The following NRG3 variants were observed in gnomAD, a reference collection of about 807,000 sequenced individuals.
The protein encoded by NRG3 is neuregulin 3.
In NRG3, 31 loss-of-function variants were observed where a neutral mutation model predicts 66.9. The observed-to-expected ratio is 0.46, with a 90% confidence interval of 0.35 to 0.63. The LOEUF is 0.63. Among genes scored for constraint, NRG3 ranks in the 20% least tolerant of loss-of-function variants. The pLI is 0.00. For missense variants in NRG3, 910 were observed against 878.9 expected (o/e 1.04, Z -0.45); for synonymous variants, 393 against 359.4 (o/e 1.09, Z -1.06).
At chr10:82,642,096 T>C (rs138706615) in intron 2 of NRG3, among the ~76,000 whole-genome samples, 396 of 152,274 alleles carry the variant, frequency 2.6e-3, no homozygotes, top group Non-Finnish European at 4.6e-3. Context: ...TGTGAGAACA[T>C]GCGGTACTTT....
chr10:82,295,449 T>A (rs2080007148), intron 1 of NRG3, among the ~76,000 whole-genome samples: 1 of 152,062 alleles, frequency 6.6e-6, no homozygotes, highest in African/African-American at 2.4e-5. Context: ...TTATCGAGGG[T>A]ACATTTTTAA....
chr10:82,244,585 G>A (rs113156944), intron 1 of NRG3, among the ~76,000 whole-genome samples: 5,277 of 152,054 alleles, frequency 0.035, 136 homozygotes, highest in Middle Eastern at 0.078. Context: ...CTTTAGAAGC[G>A]TTCTATTAGT....
At chr10:82,618,353 C>T (rs977203583) in intron 2 of NRG3, among the ~76,000 whole-genome samples, 1 of 151,888 alleles carries the variant, frequency 6.6e-6, no homozygotes, top group Non-Finnish European at 1.5e-5. Flanking sequence ...GGGAGTTGGT[C>T]CAATAGTCAT....
intron 2 of NRG3, among the ~76,000 whole-genome samples, chr10:82,396,074 A>T (rs896873748): frequency 6.6e-6 from 1 of 152,178 alleles, no homozygotes; most frequent in Admixed American, 6.5e-5. Context: ...TATGGAGGGA[A>T]TGAGTTTTTT....
chr10:82,194,518 G>A (rs958354351), intron 1 of NRG3, among the ~76,000 whole-genome samples: 1 of 152,132 alleles, frequency 6.6e-6, no homozygotes, highest in African/African-American at 2.4e-5. Context: ...GAGAGAAGGC[G>A]AGAGTGTAGG....
At chr10:82,291,153 AC>A (rs1247633777) in intron 1 of NRG3, among the ~76,000 whole-genome samples, 5 of 148,048 alleles carry the variant, frequency 3.4e-5, no homozygotes. Context: ...TACAAGATTA[AC>A]AACACACACA....
chr10:82,251,012 A>G (rs1395798920), intron 1 of NRG3, among the ~76,000 whole-genome samples: 4 of 152,222 alleles, frequency 2.6e-5, no homozygotes, highest in African/African-American at 4.8e-5. Flanking sequence ...TTAGTCACCA[A>G]TACATAAAAA....
intron 2 of NRG3, among the ~76,000 whole-genome samples, chr10:82,459,568 G>A (rs1005157336): frequency 3.9e-5 from 6 of 152,076 alleles, no homozygotes; most frequent in Non-Finnish European, 5.9e-5. Context: ...TCTTTCTGCC[G>A]GAGAAAAGAA....
At chr10:82,886,867 G>T (rs1035002347) in intron 4 of NRG3, among the ~76,000 whole-genome samples, 5 of 152,084 alleles carry the variant, frequency 3.3e-5, no homozygotes, top group African/African-American at 9.7e-5. Context: ...AATTCTTATA[G>T]CCCAATGTAT....
At chr10:82,384,234 C>A (rs2085825532) in intron 2 of NRG3, among the ~76,000 whole-genome samples, 1 of 151,918 alleles carries the variant, frequency 6.6e-6, no homozygotes, top group South Asian at 2.1e-4. Context: ...TCTCTAAATG[C>A]AAAACTTGAA....
intron 1 of NRG3, among the ~76,000 whole-genome samples, chr10:82,018,731 C>T (rs531540859): frequency 3.9e-5 from 6 of 152,054 alleles, no homozygotes; most frequent in Admixed American, 6.6e-5. Flanking sequence ...ATTTGGCTCT[C>T]TATTTGTCTG....
At chr10:82,294,878 C>T (rs536277607) in intron 1 of NRG3, among the ~76,000 whole-genome samples, 2 of 152,084 alleles carry the variant, frequency 1.3e-5, no homozygotes, top group Non-Finnish European at 2.9e-5. Context: ...CATTTGTTCC[C>T]TTCTAGCTTT....
chr10:82,850,784 A>T (rs1336503057), intron 3 of NRG3, among the ~76,000 whole-genome samples: 1 of 152,096 alleles, frequency 6.6e-6, no homozygotes, highest in African/African-American at 2.4e-5. Context: ...CATGACTTTG[A>T]GTTCAGTGAG....
intron 2 of NRG3, among the ~76,000 whole-genome samples, chr10:82,656,498 T>G (rs1200508137): frequency 6.6e-6 from 1 of 152,114 alleles, no homozygotes; most frequent in Admixed American, 6.6e-5. Context: ...TAGTGAAACT[T>G]TATAGGGTCA....
intron 2 of NRG3, among the ~76,000 whole-genome samples, chr10:82,547,354 T>C (rs2043984264): frequency 6.6e-6 from 1 of 151,502 alleles, no homozygotes; most frequent in Non-Finnish European, 1.5e-5. Context: ...CATACACACA[T>C]ATGTACAAAT....
intron 4 of NRG3, among the ~76,000 whole-genome samples, chr10:82,932,861 C>T (rs555475508): frequency 5.3e-5 from 8 of 152,192 alleles, no homozygotes; most frequent in African/African-American, 7.2e-5. Context: ...CAGTAAATGA[C>T]GGTTTCTTCC....
At chr10:82,214,105 C>A (rs1183712995) in intron 1 of NRG3, among the ~76,000 whole-genome samples, 1 of 152,064 alleles carries the variant, frequency 6.6e-6, no homozygotes, top group African/African-American at 2.4e-5. Context: ...GAAAAGAGGC[C>A]AAATATTCAC....
At chr10:82,525,784 G>A (rs896530149) in intron 2 of NRG3, among the ~76,000 whole-genome samples, 1 of 151,864 alleles carries the variant, frequency 6.6e-6, no homozygotes, top group Admixed American at 6.6e-5. Flanking sequence ...TCATAAAACA[G>A]CCATGATTAC....
rs146124727 is a variant in NRG3, at chr10:82,079,471, A to G, written c.823+203308A>G. ...TCAATATCCTCCACCAAAGGGATACATTTGTTATTATTATTACCCAGAATC... is the reference window on the plus strand; with the variant it reads ...TCAATATCCTCCACCAAAGGGATACGTTTGTTATTATTATTACCCAGAATC... On this transcript the variant is annotated intron_variant, in intron 1 of 8. Coordinates refer to ENST00000372141, the MANE Select transcript of NRG3 (RefSeq NM_001010848.4). Among the ~76,000 whole-genome samples the G allele has an allele frequency of 1.9e-3, 291 of 152,318 alleles. 1 individual carries two copies. Among genetic ancestry groups the G allele is most frequent in the African/African-American group, 6.7e-3 (278 of 41,552 alleles).
Sources: gnomAD v4.1 joint callset for allele counts (sites outside exome capture counted in the v4.1 genomes callset) on GRCh38, gnomAD v4.1.1 for gene constraint, MANE v1.5 for transcripts, NCBI Gene and HGNC (gene_info 2026-07-23, HGNC 2026-07-21) for gene names.